Variants in SPSB4 observed in about 807,000 individuals in gnomAD.
SPSB4 encodes the protein splA/ryanodine receptor domain and SOCS box containing 4, also known as SPRY domain-containing SOCS box protein 4.
SPSB4 carries 21 observed loss-of-function variants against 20.9 expected under a neutral mutation model. The ratio of observed to expected loss-of-function variants is 1.01; its 90% confidence interval spans 0.71 to 1.45. The LOEUF (loss-of-function observed/expected upper bound fraction) is 1.45. Ranked by LOEUF, SPSB4 falls within the 40% of genes most tolerant of loss-of-function variation. The probability of loss-of-function intolerance (pLI) is 0.00; values close to 1 mark genes in which losing one functional copy is unlikely to be tolerated. For missense variants in SPSB4, 399 were observed against 399.2 expected (o/e 1.00, Z 0.00); for synonymous variants, 207 against 183.8 (o/e 1.13, Z -1.02).
At chr3:141,117,472 G>A (rs529923122) in intron 2 of SPSB4, among the ~76,000 whole-genome samples, 2 of 152,308 alleles carry the variant, frequency 1.3e-5, no homozygotes, top group African/African-American at 4.8e-5. Flanking sequence ...GGGCCACCTA[G>A]TAACTTTCTC....
rs888510120 is a variant in SPSB4 at position 141,094,091 on chromosome 3, C to G, written c.694+27293C>G. Among the ~76,000 whole-genome samples the G allele has an allele frequency of 5.9e-5, 9 of 152,326 alleles. 1 individual carries two copies. The South Asian group carries it at 1.9e-3, about 32-fold the overall frequency. ...GCAGCCAGGCGTGCTTGCTGTATCT[C>G]TACAGCAAGCGGTTTGCAGCAGCCT... is the stretch of plus-strand genomic sequence containing the variant. On this transcript the variant is annotated intron_variant, in intron 2 of 2. Transcript: ENST00000310546.
chr3:141,056,089 T>C (rs984277464), intron 1 of SPSB4, among the ~76,000 whole-genome samples: 1 of 152,168 alleles, frequency 6.6e-6, no homozygotes, highest in African/African-American at 2.4e-5. Context: ...CAGGAAGACA[T>C]TGGAGCCAGG....
chr3:141,109,645 C>T (rs1239929529), intron 2 of SPSB4, among the ~76,000 whole-genome samples: 1 of 152,082 alleles, frequency 6.6e-6, no homozygotes, highest in Non-Finnish European at 1.5e-5. Context: ...ATTGTTTTCT[C>T]ACTTTCCCTT....
chr3:141,125,762 G>A (rs1472677060), intron 2 of SPSB4, among the ~76,000 whole-genome samples: 5 of 152,172 alleles, frequency 3.3e-5, no homozygotes, highest in Admixed American at 3.3e-4. Context: ...TTCAGCTCCT[G>A]CATATTGGGC....
At chr3:141,083,152 G>C (rs1430087362) in intron 2 of SPSB4, among the ~76,000 whole-genome samples, 5 of 152,192 alleles carry the variant, frequency 3.3e-5, no homozygotes, top group Admixed American at 1.3e-4. Context: ...GCCAGGTTTT[G>C]CTGAGCTGTG....
At chr3:141,094,902 C>T (rs1231978860) in intron 2 of SPSB4, among the ~76,000 whole-genome samples, 1 of 151,820 alleles carries the variant, frequency 6.6e-6, no homozygotes. Flanking sequence ...GGACAAGCCT[C>T]TCCTGCCTGT....
At chr3:141,115,478 C>CCCTGCCCA (rs1490459324) in intron 2 of SPSB4, 28 of 152,138 alleles carry the variant, frequency 1.8e-4, no homozygotes, top group African/African-American at 6.8e-4. Context: ...AGGAAATGCC[C>CCCTGCCCA]CCTGCCCATA....
At chr3:141,122,223 T>C (rs1349934332) in intron 2 of SPSB4, among the ~76,000 whole-genome samples, 1 of 152,202 alleles carries the variant, frequency 6.6e-6, no homozygotes, top group Non-Finnish European at 1.5e-5. Context: ...CCAGACCCTG[T>C]TTGCCTGGGT....
At chr3:141,145,969 A>T (rs1281580147) in intron 2 of SPSB4, among the ~76,000 whole-genome samples, 1 of 152,132 alleles carries the variant, frequency 6.6e-6, no homozygotes, top group African/African-American at 2.4e-5. Context: ...CAGCTCTTCT[A>T]TATAAGAAAT....
chr3:141,077,660 G>A (rs1361181054), intron 2 of SPSB4: 2 of 152,360 alleles, frequency 1.3e-5, no homozygotes, highest in Non-Finnish European at 2.9e-5. Flanking sequence ...TCACGAGGAA[G>A]AGCATGGGAG....
At chr3:141,114,036 T>C (rs1313993833) in intron 2 of SPSB4, among the ~76,000 whole-genome samples, 1 of 152,128 alleles carries the variant, frequency 6.6e-6, no homozygotes, top group Non-Finnish European at 1.5e-5. Flanking sequence ...TACAGTGAGT[T>C]AAGATCACAC....
intron 2 of SPSB4, among the ~76,000 whole-genome samples, chr3:141,083,432 C>T (rs936906685): frequency 6.6e-6 from 1 of 152,158 alleles, no homozygotes; most frequent in Non-Finnish European, 1.5e-5. Flanking sequence ...TGAGAAAGGC[C>T]CCTGCCCCAC....
At chr3:141,086,549 G>A (rs1938343791) in intron 2 of SPSB4, among the ~76,000 whole-genome samples, 1 of 152,222 alleles carries the variant, frequency 6.6e-6, no homozygotes. Context: ...CGTGTAAGTG[G>A]TAATGGCTCT....
intron 2 of SPSB4, among the ~76,000 whole-genome samples, chr3:141,138,343 G>A (rs531463813): frequency 2.2e-4 from 33 of 152,184 alleles, no homozygotes; most frequent in African/African-American, 6.3e-4. Flanking sequence ...CTTCAGTTCT[G>A]CTCTGATCTT....
intron 1 of SPSB4, among the ~76,000 whole-genome samples, chr3:141,058,955 C>T (rs1030449420): frequency 1.3e-5 from 2 of 152,178 alleles, no homozygotes; most frequent in Non-Finnish European, 2.9e-5. Flanking sequence ...CCCAGCACAA[C>T]CTCTCCACAG....
intron 2 of SPSB4, among the ~76,000 whole-genome samples, chr3:141,142,634 G>GGAGC (rs977508262): frequency 1.3e-5 from 2 of 151,976 alleles, no homozygotes; most frequent in African/African-American, 4.8e-5. Context: ...TGCTGTCAGT[G>GGAGC]GAGCATTGAA....
intron 1 of SPSB4, among the ~76,000 whole-genome samples, chr3:141,063,370 G>T (rs1022255521): frequency 2.0e-5 from 3 of 151,818 alleles, no homozygotes; most frequent in Non-Finnish European, 2.9e-5. Flanking sequence ...TCAATATTTC[G>T]GTCTTAGTTT....
At chr3:141,060,712 G>A (rs1005751204) in intron 1 of SPSB4, among the ~76,000 whole-genome samples, 2 of 152,186 alleles carry the variant, frequency 1.3e-5, no homozygotes, top group Non-Finnish European at 2.9e-5. Context: ...GCCATTTGCC[G>A]AGGCTAAACC....
intron 2 of SPSB4, among the ~76,000 whole-genome samples, chr3:141,122,159 C>G (rs996764958): frequency 2.0e-5 from 3 of 152,162 alleles, no homozygotes; most frequent in African/African-American, 7.2e-5. Flanking sequence ...AGTTTTCCTT[C>G]TAACAGTTGG....
Sources: allele counts gnomAD v4.1 joint callset (sites outside exome capture counted in the v4.1 genomes callset), GRCh38; gene constraint gnomAD v4.1.1; transcripts MANE v1.5; gene names NCBI Gene and HGNC (gene_info 2026-07-23, HGNC 2026-07-21).